CLIP1: variants seen among roughly 807,000 people sequenced by gnomAD.
The protein encoded by CLIP1 is CAP-Gly domain containing linker protein 1.
Under a neutral mutation model 161.6 loss-of-function variants are expected in CLIP1, and 66 were observed. The observed-to-expected ratio is 0.41, with a 90% confidence interval of 0.33 to 0.50. The LOEUF (loss-of-function observed/expected upper bound fraction) is 0.50, where lower values mean the gene tolerates loss of function less well. Among genes scored for constraint, CLIP1 ranks in the 20% least tolerant of loss-of-function variants. CLIP1 has a pLI of 0.27. For missense variants in CLIP1, 1,376 were observed against 1,702.0 expected (o/e 0.81, Z 3.37); for synonymous variants, 598 against 626.2 (o/e 0.96, Z 0.67).
intron 18 of CLIP1, among the ~76,000 whole-genome samples, chr12:122,318,304 G>A (rs1249456691): frequency 6.6e-6 from 1 of 152,206 alleles, no homozygotes; most frequent in African/African-American, 2.4e-5. Flanking sequence ...GGAGGCCAAG[G>A]TGGGAGGATC....
At chr12:122,385,351 G>A (rs1267176952) in intron 1 of CLIP1, among the ~76,000 whole-genome samples, 2 of 152,192 alleles carry the variant, frequency 1.3e-5, no homozygotes, top group Non-Finnish European at 2.9e-5. Context: ...GACGGCAACG[G>A]ATGAAGGGCT....
At chr12:122,349,246 T>A (rs555803794) in intron 9 of CLIP1, among the ~76,000 whole-genome samples, 9 of 152,364 alleles carry the variant, frequency 5.9e-5, no homozygotes, top group Admixed American at 3.9e-4. Context: ...TTTCTTCTCT[T>A]GACACAGTTA....
In CLIP1 at chr12:122,284,604, G is replaced by A. The variant is rs971992677; in HGVS notation, c.3647+3885C>T. 2.6e-4 allele frequency among the ~76,000 whole-genome samples: 40 copies of A among 151,984 alleles called. 1 individual carries two copies. The highest frequency in any genetic ancestry group is 2.1e-4 in the South Asian group (1 of 4,818). ...TGACCTCAGGTGATCCACCTGCCTC[G>A]GCCTCCCAAAGTGTTGGGATTACAG... On this transcript the variant is annotated intron_variant, in intron 21 of 25. Transcript: ENST00000620786.
chr12:122,285,750 T>C lies in CLIP1; in HGVS notation c.3647+2739A>G, dbSNP rs190994677. On this transcript the variant is annotated intron_variant, in intron 21 of 25. Coordinates refer to ENST00000620786, the MANE Select transcript of CLIP1 (RefSeq NM_001247997.2). ...TTTTGGCCTCCCAAAGTGCTGGGGT[T>C]ACAGGCATGAACCACCGTGCCAGGC... Among the ~76,000 whole-genome samples the C allele has an allele frequency of 9.9e-5, 15 of 152,130 alleles. No individual in the cohort carries two copies. In the East Asian group the frequency reaches 2.7e-3, roughly 27 times the overall value.
At chr12:122,305,326 G>A (rs1950825892) in intron 20 of CLIP1, among the ~76,000 whole-genome samples, 1 of 152,188 alleles carries the variant, frequency 6.6e-6, no homozygotes. Context: ...AGCTACTGGG[G>A]AGCCTGAGGC....
chr12:122,419,702 G>A (rs539419028), intron 1 of CLIP1, among the ~76,000 whole-genome samples: 10 of 151,824 alleles, frequency 6.6e-5, no homozygotes, highest in African/African-American at 1.4e-4. Flanking sequence ...TTGGGAGGCC[G>A]AGGTGAGAGG....
At chr12:122,410,014 G>GCATC (rs1211083926) in intron 1 of CLIP1, among the ~76,000 whole-genome samples, 1 of 151,716 alleles carries the variant, frequency 6.6e-6, no homozygotes. Flanking sequence ...GGGACTACAG[G>GCATC]CGCCTGTCAC....
At position 122,356,883 on chromosome 12, in the gene CLIP1, G is replaced by C. The variant is rs933852908; in HGVS notation, c.1006-1571C>G. On this transcript the variant is annotated intron_variant, in intron 5 of 25. Transcript: ENST00000620786. ...TCCAGCTCCTAACTGCGAGTGATCCGCCAGCCTCGGCCTCCCGAGGTGCCG... is the reference window on the plus strand; with the variant it reads ...TCCAGCTCCTAACTGCGAGTGATCCCCCAGCCTCGGCCTCCCGAGGTGCCG... Among the ~76,000 whole-genome samples, 17 of 152,352 alleles carry C rather than the reference G, an allele frequency of 1.1e-4. No homozygotes were observed. The South Asian group carries it at 1.4e-3, about 13-fold the overall frequency.
chr12:122,416,996 T>A (rs1956777858), intron 1 of CLIP1, among the ~76,000 whole-genome samples: 1 of 150,446 alleles, frequency 6.6e-6, no homozygotes. Flanking sequence ...AGGCCAAGAG[T>A]TCCAAAAAAA....
chr12:122,411,722 C>T (rs1451260526), intron 1 of CLIP1, among the ~76,000 whole-genome samples: 1 of 152,132 alleles, frequency 6.6e-6, no homozygotes, highest in Non-Finnish European at 1.5e-5. Flanking sequence ...GCCATGTTGC[C>T]CAGGCTGGCA....
intron 20 of CLIP1, among the ~76,000 whole-genome samples, chr12:122,300,768 C>A (rs1950650079): frequency 6.6e-6 from 1 of 152,144 alleles, no homozygotes; most frequent in Non-Finnish European, 1.5e-5. Flanking sequence ...TTCAGTCCTA[C>A]CCCTCAAATT....
At chr12:122,322,555 T>C (rs61954399) in intron 17 of CLIP1, 15,294 of 152,722 alleles carry the variant, frequency 0.1, 1,291 homozygotes, top group East Asian at 0.47. Context: ...TCTCCTCGAT[T>C]ATCTCTGCCA....
chr12:122,279,061 T>A lies in CLIP1; in HGVS notation c.3732A>T (p.Glu1244Asp). The change falls in exon 22 of 26, where the codon GAA becomes GAT. Residue 1244 changes from glutamate to aspartate, a missense_variant. Transcript: ENST00000620786. The surrounding 1 kb of genome is among the most constrained non-coding windows in gnomAD (Gnocchi z 4.5). ...TCAGTTTCTCCAGCTCGGCATCCTT[T>A]TCTGTGAGTAAGGCACTAGTTATAC... ...SISITSALLT[E>D]KDAELEKLRN... 1 of 1,613,310 alleles carries A rather than the reference T, an allele frequency of 6.2e-7. No individual in the cohort carries two copies. The highest frequency in any genetic ancestry group is 1.1e-5 in the South Asian group (1 of 90,886).
At chr12:122,390,217 TATATACACAC>T (rs1955559289) in intron 1 of CLIP1, among the ~76,000 whole-genome samples, 2 of 135,708 alleles carry the variant, frequency 1.5e-5, no homozygotes, top group Non-Finnish European at 3.1e-5. Flanking sequence ...TACACACATA[TATATACACAC>T]ATATATACAC....
At position 122,332,966 on chromosome 12, in the gene CLIP1, CT is replaced by C; in HGVS notation, c.2867+20del. 6 of 1,607,060 alleles carry C rather than the reference CT, an allele frequency of 3.7e-6. No homozygotes were observed. The highest frequency in any genetic ancestry group is 2.7e-5 in the African/African-American group (2 of 74,702). The stretch of plus-strand genomic sequence containing the variant: ...CAGAGCCTAACCTAAGGTCAGCACT[CT>C]TTTCAACAGTCACATATACCTTTCT... On this transcript the variant is annotated intron_variant, in intron 15 of 25. Coordinates refer to ENST00000620786, the MANE Select transcript of CLIP1 (RefSeq NM_001247997.2).
At chr12:122,365,677 T>TAA (rs34314261) in intron 3 of CLIP1, 14,117 of 579,182 alleles carry the variant, frequency 0.024, 90 homozygotes, top group African/African-American at 0.06. Flanking sequence ...CTGGGCTATT[T>TAA]AAAAAAAAAA....
chr12:122,307,683 G>A (rs997907094), intron 20 of CLIP1, among the ~76,000 whole-genome samples: 1 of 152,150 alleles, frequency 6.6e-6, no homozygotes, highest in African/African-American at 2.4e-5. Context: ...TCTTGGAGAT[G>A]ATACAATAAA....
intron 4 of CLIP1, among the ~76,000 whole-genome samples, chr12:122,361,431 G>C (rs1360079731): frequency 6.6e-6 from 1 of 152,196 alleles, no homozygotes; most frequent in Non-Finnish European, 1.5e-5. Context: ...CTGAGATTCT[G>C]CATAAAGGAA....
rs57202144 is a variant in CLIP1 at position 122,341,762 on chromosome 12, C to CTT, written c.1507-67_1507-66dup. 4.0e-4 allele frequency: 39 copies of CTT among 98,630 alleles called. 10 individuals carry two copies. Among genetic ancestry groups the CTT allele is most frequent in the Non-Finnish European group, 6.6e-4 (32 of 48,142 alleles). 6.1% of individuals were successfully genotyped at this position (98,630 alleles called of 1,614,324 possible). On this transcript the variant is annotated intron_variant, in intron 10 of 25. Coordinates refer to ENST00000620786, the MANE Select transcript of CLIP1 (RefSeq NM_001247997.2). The stretch of plus-strand genomic sequence containing the variant: ...AACAAGTCATTGACTATTTTCTTTT[C>CTT]TTTTTTTTTTTTTTTTTTTTTTTTT...
Sources: gnomAD v4.1 joint callset for allele counts (sites outside exome capture counted in the v4.1 genomes callset) on GRCh38, gnomAD v4.1.1 for gene constraint, Gnocchi (gnomAD v3.1) non-coding constraint, MANE v1.5 for transcripts, NCBI Gene and HGNC (gene_info 2026-07-23, HGNC 2026-07-21) for gene names.